Variants in RPS6KC1 observed in about 807,000 individuals in gnomAD.
The protein encoded by RPS6KC1 is inactive ribosomal protein S6 kinase delta-1.
Under a neutral mutation model 103.8 loss-of-function variants are expected in RPS6KC1, and 54 were observed. The ratio of observed to expected loss-of-function variants is 0.52; its 90% CI spans 0.42 to 0.65. The LOEUF is 0.65. Among genes scored for constraint, RPS6KC1 ranks in the 30% least tolerant of loss-of-function variants. RPS6KC1 has a pLI of 0.00. For missense variants in RPS6KC1, 1,151 were observed against 1,253.8 expected (o/e 0.92, Z 1.24); for synonymous variants, 439 against 438.7 (o/e 1.00, Z -0.01).
At chr1:213,509,728 C>T in the RPS6KC1 span, among the ~76,000 whole-genome samples, 8 of 152,218 alleles carry the variant, frequency 5.3e-5, no homozygotes, top group African/African-American at 1.9e-4. Context: ...TTCATTAATA[C>T]ATTTTATAAT....
At chr1:213,731,136 G>C in the RPS6KC1 span, among the ~76,000 whole-genome samples, 12 of 152,268 alleles carry the variant, frequency 7.9e-5, no homozygotes, top group African/African-American at 2.9e-4. Flanking sequence ...ATACCATGCT[G>C]TTTTGATTAC....
chr1:213,752,111 T>C, the RPS6KC1 span, among the ~76,000 whole-genome samples: 2 of 152,200 alleles, frequency 1.3e-5, no homozygotes, highest in African/African-American at 4.8e-5. Flanking sequence ...TAGATTATTT[T>C]TGAAAATGCC....
chr1:213,710,195 G>T, the RPS6KC1 span, among the ~76,000 whole-genome samples: 2 of 152,310 alleles, frequency 1.3e-5, no homozygotes, highest in East Asian at 1.9e-4. Context: ...GAATCTGGGT[G>T]CTCCTGTATT....
At chr1:213,484,695 A>C in the RPS6KC1 span, among the ~76,000 whole-genome samples, 59 of 152,328 alleles carry the variant, frequency 3.9e-4, no homozygotes, top group Middle Eastern at 3.4e-3. Flanking sequence ...GTACCTTCTA[A>C]GTTAATTCTT....
At chr1:213,221,977 A>C (rs1043671438) in intron 8 of RPS6KC1, among the ~76,000 whole-genome samples, 1 of 152,210 alleles carries the variant, frequency 6.6e-6, no homozygotes, top group African/African-American at 2.4e-5. Flanking sequence ...TAGGAGCCTG[A>C]AGAACTCAAC....
intron 4 of RPS6KC1, among the ~76,000 whole-genome samples, chr1:213,111,551 G>C (rs1572594134): frequency 6.6e-6 from 1 of 152,034 alleles, no homozygotes; most frequent in South Asian, 2.1e-4. Context: ...AGGATTATGA[G>C]CTAAAACATT....
At chr1:213,415,571 T>C in the RPS6KC1 span, among the ~76,000 whole-genome samples, 4 of 152,168 alleles carry the variant, frequency 2.6e-5, no homozygotes, top group Non-Finnish European at 5.9e-5. Flanking sequence ...TTCCAGCCCC[T>C]CAAGGGCGAA....
At chr1:213,570,768 C>T in the RPS6KC1 span, among the ~76,000 whole-genome samples, 1 of 152,168 alleles carries the variant, frequency 6.6e-6, no homozygotes, top group Admixed American at 6.5e-5. Context: ...AGCAACCCAG[C>T]CCTACCCTTG....
chr1:213,471,747 AT>A, the RPS6KC1 span, among the ~76,000 whole-genome samples: 36,689 of 143,574 alleles, frequency 0.26, 4,687 homozygotes, highest in African/African-American at 0.34. Flanking sequence ...TTCTGCCTTC[AT>A]TTTTTTTTTT....
At chr1:213,556,239 G>A in the RPS6KC1 span, among the ~76,000 whole-genome samples, 2 of 152,124 alleles carry the variant, frequency 1.3e-5, no homozygotes, top group African/African-American at 2.4e-5. Context: ...ATGTGGGGAG[G>A]AATTGGAAGG....
intron 3 of RPS6KC1, among the ~76,000 whole-genome samples, chr1:213,099,060 ATGT>A (rs2081765042): frequency 1.3e-5 from 2 of 152,204 alleles, no homozygotes; most frequent in South Asian, 2.1e-4. Flanking sequence ...ATGATTTCTC[ATGT>A]TGTTACAGCC....
chr1:213,761,176 T>C, the RPS6KC1 span, among the ~76,000 whole-genome samples: 3 of 152,098 alleles, frequency 2.0e-5, no homozygotes, highest in African/African-American at 4.8e-5. Context: ...CGTTTGTCTG[T>C]CCAGATGTAT....
At chr1:213,498,702 C>T in the RPS6KC1 span, among the ~76,000 whole-genome samples, 11 of 152,084 alleles carry the variant, frequency 7.2e-5, no homozygotes, top group Admixed American at 1.3e-4. Context: ...GATCTGCCCA[C>T]CTCAGCCTCC....
At chr1:213,289,396 G>A in the RPS6KC1 span, among the ~76,000 whole-genome samples, 5 of 151,366 alleles carry the variant, frequency 3.3e-5, no homozygotes, top group South Asian at 1.0e-3. Flanking sequence ...TGGTTTAATT[G>A]CCTGGCATGG....
intron 8 of RPS6KC1, among the ~76,000 whole-genome samples, chr1:213,193,571 A>AT (rs1041984411): frequency 1.1e-4 from 17 of 151,272 alleles, no homozygotes; most frequent in Admixed American, 1.1e-3. Context: ...CTCTTTGTTG[A>AT]TTTTCTGTCT....
the RPS6KC1 span, among the ~76,000 whole-genome samples, chr1:213,755,164 G>A: frequency 6.6e-6 from 1 of 152,216 alleles, no homozygotes. Context: ...GAGCTTGAAT[G>A]TGGGGCATGA....
At chr1:213,425,225 C>T in the RPS6KC1 span, among the ~76,000 whole-genome samples, 4 of 152,132 alleles carry the variant, frequency 2.6e-5, no homozygotes, top group Non-Finnish European at 5.9e-5. Context: ...AACAAAAGCA[C>T]GCAATTATTA....
At chr1:213,423,608 G>A in the RPS6KC1 span, among the ~76,000 whole-genome samples, 3 of 152,188 alleles carry the variant, frequency 2.0e-5, no homozygotes, top group Non-Finnish European at 4.4e-5. Context: ...GCATCACGCC[G>A]ACCTTCTCTC....
the RPS6KC1 span, among the ~76,000 whole-genome samples, chr1:213,470,827 C>T: frequency 6.6e-6 from 1 of 151,998 alleles, no homozygotes; most frequent in Non-Finnish European, 1.5e-5. Context: ...GTCTTTCTAT[C>T]TTGCCCAGAT....
Sources: allele counts gnomAD v4.1 joint callset (sites outside exome capture counted in the v4.1 genomes callset), GRCh38; gene constraint gnomAD v4.1.1; transcripts MANE v1.5; gene names NCBI Gene and HGNC (gene_info 2026-07-23, HGNC 2026-07-21).